GORAB: variants seen among roughly 807,000 people sequenced by gnomAD.
GORAB encodes golgin, RAB6 interacting, also known as RAB6-interacting golgin.
In GORAB, 17 loss-of-function variants were observed where a neutral mutation model predicts 29.9. The observed-to-expected ratio is 0.57, with a 90% CI of 0.39 to 0.85. GORAB has a LOEUF of 0.85. Among genes scored for constraint, GORAB ranks in the 40% least tolerant of loss-of-function variants. GORAB has a pLI of 0.00. For synonymous variants in GORAB, 183 were observed against 157.2 expected (o/e 1.16, Z -1.23); for missense variants, 442 against 437.8 (o/e 1.01, Z -0.09).
intron 1 of GORAB, among the ~76,000 whole-genome samples, chr1:170,532,948 G>A (rs900073276): frequency 6.6e-6 from 1 of 152,206 alleles, no homozygotes; most frequent in Non-Finnish European, 1.5e-5. Flanking sequence ...GCTTTATAGA[G>A]TAATCATTGA....
rs1004045511 is a variant in GORAB at position 170,551,998 on chromosome 1, T to G, written c.663-17T>G. The G allele has an allele frequency of 1.2e-6, 2 of 1,608,892 alleles. No individual in the cohort carries two copies. The highest frequency in any genetic ancestry group is 1.7e-6 in the Non-Finnish European group (2 of 1,175,578). ...AATGGAAAACTGATGGACCTATCTT[T>G]ATACACATCCTTACAGGAAGCGGTT... On this transcript the variant is annotated splice_polypyrimidine_tract_variant and intron_variant, in intron 4 of 4. Coordinates refer to ENST00000367763, the MANE Select transcript of GORAB (RefSeq NM_152281.3).
intron 3 of GORAB, among the ~76,000 whole-genome samples, chr1:170,543,587 A>G (rs777182331): frequency 6.0e-5 from 9 of 150,488 alleles, no homozygotes; most frequent in South Asian, 4.2e-4. Flanking sequence ...CTGAGTTACT[A>G]TGTTTCAAAG....
intron 4 of GORAB, among the ~76,000 whole-genome samples, chr1:170,549,138 C>T (rs897634392): frequency 1.3e-5 from 2 of 152,144 alleles, no homozygotes; most frequent in East Asian, 3.9e-4. Flanking sequence ...AAATAACATT[C>T]ATTAATTCAT....
intron 1 of GORAB, chr1:170,533,637 G>A: frequency 2.3e-6 from 1 of 432,364 alleles, no homozygotes; most frequent in Non-Finnish European, 4.8e-6. Flanking sequence ...TGTTAGCAGA[G>A]GCGCATTTTC....
chr1:170,545,148 T>G lies in GORAB; in HGVS notation c.662+303T>G, dbSNP rs973353284. On this transcript the variant is annotated intron_variant, in intron 4 of 4. Transcript: ENST00000367763. Reference sequence around the variant, plus strand: ...ATGTTTGGAAGTGTTTTTGCTCATCTTTCAGCATCTAGCAAAGTAAATATC... The same window carrying G: ...ATGTTTGGAAGTGTTTTTGCTCATCGTTCAGCATCTAGCAAAGTAAATATC... 9.5e-6 allele frequency: 10 copies of G among 1,054,306 alleles called. No homozygotes were observed. The African/African-American group carries it at 1.7e-4, about 18-fold the overall frequency. The allele number at this position is 1,054,306 out of a possible 1,614,324, so 65.3% of individuals were successfully genotyped here. A position where few individuals can be genotyped will look rare whatever the true frequency, so the allele number is the denominator to read the frequency against.
intron 1 of GORAB, among the ~76,000 whole-genome samples, chr1:170,535,826 A>T (rs1649026568): frequency 6.6e-6 from 1 of 152,086 alleles, no homozygotes; most frequent in African/African-American, 2.4e-5. Flanking sequence ...AAGTGCTGAG[A>T]TTACAGGCAT....
chr1:170,549,548 T>C (rs1649988573), intron 4 of GORAB, among the ~76,000 whole-genome samples: 2 of 152,268 alleles, frequency 1.3e-5, no homozygotes, highest in East Asian at 3.9e-4. Context: ...GACCACAGAC[T>C]TGCAGAAAAG....
rs1557999559 is a variant in GORAB, at chr1:170,532,233, G to A, written c.10G>A (p.Gly4Ser). The A allele has an allele frequency of 6.2e-7, 1 of 1,614,114 alleles. No homozygotes were observed. The highest frequency in any genetic ancestry group is 8.5e-7 in the Non-Finnish European group (1 of 1,180,016). ...CCGGTGGCCCGGGCCGATGGCGCAA[G>A]GTTGGGCAGGATTCTCTGAGGAGGA... MAQ[G>S]WAGFSEEELR... The change falls in exon 1 of 5, where the codon GGT becomes AGT. Residue 4 changes from glycine (G) to serine (S), a missense_variant. Transcript: ENST00000367763.
chr1:170,548,583 A>G (rs1649905322), intron 4 of GORAB, among the ~76,000 whole-genome samples: 1 of 152,216 alleles, frequency 6.6e-6, no homozygotes, highest in Non-Finnish European at 1.5e-5. Flanking sequence ...AAAACTAAAA[A>G]CAGGTTACAA....
chr1:170,543,798 CAG>C lies in GORAB; in HGVS notation c.522-905_522-904del, dbSNP rs1413149783. ...TGATTTTAGACAGCACCAGTATAAA[CAG>C]AAGTGTAAGGAAATACAACGTTTGA... On this transcript the variant is annotated intron_variant, in intron 3 of 4. Transcript: ENST00000367763. Among the ~76,000 whole-genome samples, 4 of 152,184 alleles carry C rather than the reference CAG, an allele frequency of 2.6e-5. 1 individual carries two copies. In the South Asian group the frequency reaches 8.3e-4, roughly 32 times the overall value.
At chr1:170,534,065 A>G (rs1558001025) in intron 1 of GORAB, among the ~76,000 whole-genome samples, 2 of 152,174 alleles carry the variant, frequency 1.3e-5, no homozygotes, top group Non-Finnish European at 2.9e-5. Flanking sequence ...AGACCCCTGT[A>G]TGGGCATTGA....
chr1:170,540,027 G>A (rs184915636), intron 2 of GORAB, among the ~76,000 whole-genome samples: 1,514 of 149,554 alleles, frequency 0.01, 33 homozygotes, highest in African/African-American at 0.035. Flanking sequence ...GTGCAATGGC[G>A]CAATCACAGC....
intron 4 of GORAB, among the ~76,000 whole-genome samples, chr1:170,548,636 A>G (rs1329171645): frequency 6.6e-6 from 1 of 152,246 alleles, no homozygotes; most frequent in African/African-American, 2.4e-5. Flanking sequence ...TGGAGGTGAC[A>G]TGATACTTTG....
At chr1:170,545,601 T>C in intron 4 of GORAB, 1 of 985,396 alleles carries the variant, frequency 1.0e-6, no homozygotes, top group Non-Finnish European at 1.2e-6. Flanking sequence ...ATCATCCTGG[T>C]TTGTCTTTTT....
chr1:170,553,306 A>G lies in GORAB; in HGVS notation c.*844A>G. The G allele has an allele frequency of 2.2e-6, 1 of 451,592 alleles. No homozygotes were observed. Among genetic ancestry groups the G allele is most frequent in the Non-Finnish European group, 4.4e-6 (1 of 226,170 alleles). 28.0% of individuals were successfully genotyped at this position (451,592 alleles called of 1,614,324 possible). ...TAAATATGTTTTTGATATGTTGGACATGAATTACCCTGTCATGAAGCGTTT... is the reference window on the plus strand; with the variant it reads ...TAAATATGTTTTTGATATGTTGGACGTGAATTACCCTGTCATGAAGCGTTT... On this transcript the variant is annotated 3_prime_UTR_variant, in exon 5 of 5. Transcript: ENST00000367763.
In GORAB at chr1:170,553,726, CAG is replaced by C. The variant is rs1650274939; in HGVS notation, c.*1266_*1267del. On this transcript the variant is annotated 3_prime_UTR_variant, in exon 5 of 5. Transcript: ENST00000367763. ...ACATTTTACTACTGACTTCTCTAAA[CAG>C]AAGCATTTCTATAGATAGTTGTGCT... The C allele has an allele frequency of 2.2e-6, 1 of 451,096 alleles. No homozygotes were observed. The highest frequency in any genetic ancestry group is 2.0e-5 in the African/African-American group (1 of 49,762). 27.9% of individuals were successfully genotyped at this position (451,096 alleles called of 1,614,324 possible).
At chr1:170,534,059 C>T (rs948877261) in intron 1 of GORAB, among the ~76,000 whole-genome samples, 1 of 152,020 alleles carries the variant, frequency 6.6e-6, no homozygotes, top group South Asian at 2.1e-4. Context: ...CTCTGGAGAC[C>T]CCTGTATGGG....
chr1:170,551,458 T>G (rs1232849640), intron 4 of GORAB, among the ~76,000 whole-genome samples: 1 of 152,166 alleles, frequency 6.6e-6, no homozygotes, highest in Non-Finnish European at 1.5e-5. Flanking sequence ...TCCATCAGAA[T>G]TTTTCTTTTT....
Position 170,552,581 on chromosome 1 carries a change from T to C in GORAB, c.*119T>C. On this transcript the variant is annotated 3_prime_UTR_variant, in exon 5 of 5. Coordinates refer to ENST00000367763, the MANE Select transcript of GORAB (RefSeq NM_152281.3). The stretch of plus-strand genomic sequence containing the variant: ...ACAATGCTGATTTTTGAATTCATGA[T>C]TAGTTTTAGTAAATTAATAGGTTTG... 1 of 879,150 alleles carries C rather than the reference T, an allele frequency of 1.1e-6. No homozygotes were observed. Among genetic ancestry groups the C allele is most frequent in the Non-Finnish European group, 1.9e-6 (1 of 533,390 alleles). The allele number at this position is 879,150 out of a possible 1,614,324, so 54.5% of individuals were successfully genotyped here.
Sources: allele counts gnomAD v4.1 joint callset (sites outside exome capture counted in the v4.1 genomes callset), GRCh38; gene constraint gnomAD v4.1.1; transcripts MANE v1.5; gene names NCBI Gene and HGNC (gene_info 2026-07-23, HGNC 2026-07-21).